Variants in MYO3A observed in about 807,000 individuals in gnomAD.
MYO3A encodes myosin IIIA, also known as myosin-IIIa.
In MYO3A, 180 loss-of-function variants were observed where a neutral mutation model predicts 192.7. That is an observed-to-expected ratio of 0.93 (90% CI 0.83 to 1.06). MYO3A has a LOEUF of 1.06. MYO3A is among the 50% of genes least tolerant of loss of function. MYO3A has a pLI of 0.00. For missense variants in MYO3A, 1,896 were observed against 1,905.0 expected, an observed-to-expected ratio of 1.00 and a Z score of 0.09; for synonymous variants, 628 against 645.3, an observed-to-expected ratio of 0.97 and a Z score of 0.41.
intron 31 of MYO3A, among the ~76,000 whole-genome samples, chr10:26,181,217 T>A (rs7905083): frequency 0.26 from 40,156 of 152,124 alleles, 5,430 homozygotes; most frequent in African/African-American, 0.32. Context: ...GAATGCCCAG[T>A]TATTTTCCAG....
chr10:26,166,239 T>C, intron 27 of MYO3A, 61 bp downstream of exon 27: 3 of 1,340,706 alleles, frequency 2.2e-6, no homozygotes, highest in African/African-American at 2.9e-5. Flanking sequence ...CTGAGAATTG[T>C]AACATTTTAC....
intron 31 of MYO3A, among the ~76,000 whole-genome samples, chr10:26,187,486 T>C (rs1842921705): frequency 6.9e-6 from 1 of 145,126 alleles, no homozygotes; most frequent in African/African-American, 2.6e-5. Context: ...TGTGTGTGTC[T>C]GTCTTTTTTT....
At chr10:26,201,022 T>G (rs999077716) in intron 32 of MYO3A, 1 of 209,704 alleles carries the variant, frequency 4.8e-6, no homozygotes, top group African/African-American at 2.3e-5. Context: ...GGGAAATACA[T>G]TTTTCATGTG....
intron 6 of MYO3A, among the ~76,000 whole-genome samples, chr10:26,010,358 A>G (rs569607572): frequency 2.0e-5 from 3 of 151,676 alleles, no homozygotes; most frequent in Admixed American, 6.6e-5. Flanking sequence ...AGGAACCTCA[A>G]AAGATTTTTT....
intron 17 of MYO3A, among the ~76,000 whole-genome samples, chr10:26,112,576 A>G (rs1838255237): frequency 1.3e-5 from 2 of 152,090 alleles, no homozygotes; most frequent in South Asian, 4.2e-4. Context: ...CTGCAGCACA[A>G]TTTGAGTGAC....
chr10:26,005,813 A>G (rs1841163066), intron 6 of MYO3A, among the ~76,000 whole-genome samples: 1 of 152,170 alleles, frequency 6.6e-6, no homozygotes, highest in Non-Finnish European at 1.5e-5. Flanking sequence ...CCATTTTAAA[A>G]GCTGGCAGAG....
intron 10 of MYO3A, among the ~76,000 whole-genome samples, chr10:26,060,759 G>A (rs373718635): frequency 6.6e-6 from 1 of 152,060 alleles, no homozygotes; most frequent in Admixed American, 6.6e-5. Flanking sequence ...ATGTTCTTGC[G>A]AAAAGGTAGA....
intron 10 of MYO3A, among the ~76,000 whole-genome samples, chr10:26,049,673 C>CTTTTTTTTT (rs66467075): frequency 3.2e-4 from 22 of 69,104 alleles, no homozygotes; most frequent in African/African-American, 4.2e-4. Context: ...TTCTTTCTTT[C>CTTTTTTTTT]TTTTTTTTTT....
At chr10:26,115,696 T>C (rs1486572427) in intron 17 of MYO3A, among the ~76,000 whole-genome samples, 1 of 152,328 alleles carries the variant, frequency 6.6e-6, no homozygotes, top group Admixed American at 6.5e-5. Flanking sequence ...AAAAATTTAG[T>C]ACATCTCAGT....
chr10:26,150,508 A>G (rs993916875), intron 23 of MYO3A, among the ~76,000 whole-genome samples: 6 of 152,228 alleles, frequency 3.9e-5, no homozygotes, highest in Non-Finnish European at 7.3e-5. Context: ...TTTAGTAAAT[A>G]TAAAGCTATC....
chr10:26,047,437 A>G (rs1342276677), intron 10 of MYO3A, among the ~76,000 whole-genome samples: 2 of 152,182 alleles, frequency 1.3e-5, no homozygotes, highest in Non-Finnish European at 2.9e-5. Flanking sequence ...AGCAATGCCT[A>G]GGATTTGACT....
intron 8 of MYO3A, chr10:26,022,001 A>C: frequency 5.5e-6 from 1 of 180,942 alleles, no homozygotes; most frequent in Non-Finnish European, 1.2e-5. Context: ...TTACCTACCA[A>C]TCTAGTAATT....
At chr10:25,996,400 C>A in intron 4 of MYO3A, 90 bp from the exon 5 acceptor site, 3 of 1,009,070 alleles carry the variant, frequency 3.0e-6, no homozygotes, top group Non-Finnish European at 4.7e-6. Flanking sequence ...AACATTGGAA[C>A]ACTTTTAAAA....
intron 14 of MYO3A, among the ~76,000 whole-genome samples, chr10:26,078,374 A>T (rs1194502112): frequency 7.9e-5 from 12 of 151,786 alleles, no homozygotes; most frequent in Non-Finnish European, 2.9e-5. Flanking sequence ...TAATGAGGTT[A>T]TTTGAATTTT....
chr10:26,092,088 G>A (rs1836735745), intron 15 of MYO3A, among the ~76,000 whole-genome samples: 2 of 152,234 alleles, frequency 1.3e-5, no homozygotes, highest in African/African-American at 4.8e-5. Context: ...GCATATCCAG[G>A]AGGAGAGAGT....
chr10:26,202,271 G>A (rs908565390), intron 33 of MYO3A, among the ~76,000 whole-genome samples: 1 of 152,128 alleles, frequency 6.6e-6, no homozygotes, highest in Non-Finnish European at 1.5e-5. Context: ...TTTTAGATTA[G>A]TATCTGTAAT....
At chr10:26,050,408 G>C (rs1478665121) in intron 10 of MYO3A, among the ~76,000 whole-genome samples, 1 of 152,156 alleles carries the variant, frequency 6.6e-6, no homozygotes, top group Non-Finnish European at 1.5e-5. Flanking sequence ...TTCCTGTAAT[G>C]GTGTTTGTCC....
At chr10:26,032,960 A>C (rs569961485) in intron 10 of MYO3A, among the ~76,000 whole-genome samples, 1 of 152,192 alleles carries the variant, frequency 6.6e-6, no homozygotes, top group African/African-American at 2.4e-5. Flanking sequence ...TGCTTTTCTG[A>C]TAACTATGTT....
chr10:26,089,126 T>C (rs1388845737), intron 15 of MYO3A, among the ~76,000 whole-genome samples: 2 of 152,236 alleles, frequency 1.3e-5, no homozygotes, highest in Non-Finnish European at 2.9e-5. Flanking sequence ...TCTACATTAT[T>C]GTAGTAGTAT....
Sources: gnomAD v4.1 joint callset for allele counts (sites outside exome capture counted in the v4.1 genomes callset) on GRCh38, gnomAD v4.1.1 for gene constraint, MANE v1.5 for transcripts, NCBI Gene and HGNC (gene_info 2026-07-23, HGNC 2026-07-21) for gene names.